TMPRSS11D: variants seen among roughly 807,000 people sequenced by gnomAD.
The protein encoded by TMPRSS11D is transmembrane protease serine 11D.
A neutral mutation model predicts 44.4 loss-of-function variants in TMPRSS11D; 32 were observed. That is an observed-to-expected ratio of 0.72 (90% CI 0.54 to 0.97). The LOEUF (loss-of-function observed/expected upper bound fraction) is 0.97. TMPRSS11D is among the 50% of genes least tolerant of loss of function. The pLI, the probability that TMPRSS11D is intolerant of heterozygous loss-of-function variation, is 0.00. For synonymous variants in TMPRSS11D, 179 were observed against 177.9 expected (o/e 1.01, Z -0.05); for missense variants, 446 against 502.6 (o/e 0.89, Z 1.08).
intron 7 of TMPRSS11D, among the ~76,000 whole-genome samples, chr4:67,832,585 A>G (rs1225145679): frequency 4.6e-5 from 7 of 151,610 alleles, no homozygotes; most frequent in African/African-American, 1.7e-4. Flanking sequence ...GTAATTGATC[A>G]TTATTTTTGT....
intron 2 of TMPRSS11D, among the ~76,000 whole-genome samples, chr4:67,855,746 T>C (rs1718621120): frequency 6.6e-6 from 1 of 152,038 alleles, no homozygotes; most frequent in South Asian, 2.1e-4. Context: ...GGAAAAGAAG[T>C]TACATATTCA....
intron 1 of TMPRSS11D, among the ~76,000 whole-genome samples, chr4:67,861,438 CAG>C (rs1718789217): frequency 6.6e-6 from 1 of 152,040 alleles, no homozygotes; most frequent in Non-Finnish European, 1.5e-5. Flanking sequence ...TAAAAATAGA[CAG>C]AGTTGGAGGC....
intron 7 of TMPRSS11D, among the ~76,000 whole-genome samples, chr4:67,830,726 G>A (rs540977690): frequency 1.3e-5 from 2 of 150,856 alleles, no homozygotes; most frequent in South Asian, 4.2e-4. Flanking sequence ...CCTTCCACTC[G>A]TTTATTTTCT....
At chr4:67,876,357 G>A (rs1313051513) in intron 1 of TMPRSS11D, among the ~76,000 whole-genome samples, 1 of 151,968 alleles carries the variant, frequency 6.6e-6, no homozygotes, top group Non-Finnish European at 1.5e-5. Context: ...TGTAAATTTG[G>A]TAGTCTTTCT....
intron 8 of TMPRSS11D, 32 bp downstream of exon 8, chr4:67,827,229 C>A: frequency 6.4e-7 from 1 of 1,563,476 alleles, no homozygotes; most frequent in Non-Finnish European, 8.6e-7. Flanking sequence ...TAAGACATTT[C>A]TATTGTTAAT....
chr4:67,864,735 C>A (rs2109693889), intron 1 of TMPRSS11D, among the ~76,000 whole-genome samples: 1 of 151,828 alleles, frequency 6.6e-6, no homozygotes, highest in East Asian at 1.9e-4. Context: ...ATGTTTATAT[C>A]AGATAAAACA....
At chr4:67,835,801 G>A (rs1236560874) in intron 5 of TMPRSS11D, among the ~76,000 whole-genome samples, 1 of 152,180 alleles carries the variant, frequency 6.6e-6, no homozygotes, top group East Asian at 1.9e-4. Flanking sequence ...AGAAGGTACA[G>A]TGGGCACAAA....
chr4:67,846,683 G>A (rs1718365420), intron 3 of TMPRSS11D, among the ~76,000 whole-genome samples: 1 of 152,174 alleles, frequency 6.6e-6, no homozygotes, highest in Admixed American at 6.6e-5. Context: ...AAGGTGTTGT[G>A]TTTTATATAT....
In TMPRSS11D at chr4:67,862,572, T is replaced by A. The variant is rs556339858; in HGVS notation, c.9-2894A>T. 5.3e-5 allele frequency among the ~76,000 whole-genome samples: 8 copies of A among 152,214 alleles called. No individual in the cohort carries two copies. The South Asian group carries it at 1.7e-3, about 32-fold the overall frequency. ...TGAACTGCACATCATCATTTCCAAT[T>A]ACTAATTGAACGTGTTATGGGTGCT... is the stretch of plus-strand genomic sequence containing the variant. On this transcript the variant is annotated intron_variant, in intron 1 of 9. Coordinates refer to ENST00000283916, the MANE Select transcript of TMPRSS11D (RefSeq NM_004262.3).
intron 1 of TMPRSS11D, among the ~76,000 whole-genome samples, chr4:67,883,559 C>T (rs1196056910): frequency 1.4e-5 from 2 of 148,050 alleles, no homozygotes; most frequent in Admixed American, 6.8e-5. Flanking sequence ...AACACAGAAT[C>T]CTCGAAAAGT....
chr4:67,830,133 G>T (rs1012151341), intron 7 of TMPRSS11D, among the ~76,000 whole-genome samples: 3 of 152,052 alleles, frequency 2.0e-5, no homozygotes, highest in African/African-American at 4.8e-5. Flanking sequence ...CAAGAATTGA[G>T]TGAAAACAGT....
intron 3 of TMPRSS11D, among the ~76,000 whole-genome samples, chr4:67,847,853 A>T (rs778863031): frequency 3.3e-5 from 5 of 152,180 alleles, no homozygotes; most frequent in Admixed American, 6.5e-5. Flanking sequence ...TGGGATGCAT[A>T]TCCTCATTTT....
chr4:67,838,879 A>G (rs1718166303), intron 4 of TMPRSS11D: 1 of 152,070 alleles, frequency 6.6e-6, no homozygotes, highest in Non-Finnish European at 1.5e-5. Context: ...GCAAATTTTA[A>G]CTTTTGTCGT....
intron 3 of TMPRSS11D, among the ~76,000 whole-genome samples, chr4:67,847,617 G>A (rs2109677862): frequency 6.6e-6 from 1 of 152,234 alleles, no homozygotes; most frequent in Non-Finnish European, 1.5e-5. Flanking sequence ...CCTTCCCTCA[G>A]ATCTCAGAAT....
In TMPRSS11D at chr4:67,827,506, C is replaced by G. The variant is rs145436844; in HGVS notation, c.707G>C (p.Arg236Pro). 1.9e-4 allele frequency: 300 copies of G among 1,602,778 alleles called. No individual in the cohort carries two copies. Among genetic ancestry groups the G allele is most frequent in the Admixed American group, 3.2e-4 (19 of 59,254 alleles). ...AATACCAGACGTGGCAATCCAGTCA[C>G]GAGGATTAGAGTTGCTAAAACATTA... The part of the protein sequence containing the change: ...AHCFRSNSNP[R>P]DWIATSGIST... The change falls in exon 8 of 10, where the codon CGT becomes CCT. Residue 236 changes from arginine to proline, a missense_variant. Transcript: ENST00000283916.
intron 3 of TMPRSS11D, among the ~76,000 whole-genome samples, chr4:67,848,784 T>C (rs1718425333): frequency 1.3e-5 from 2 of 152,132 alleles, no homozygotes; most frequent in Non-Finnish European, 2.9e-5. Context: ...AACTGTACCA[T>C]GGAGAGCAAG....
chr4:67,848,709 G>A (rs1371581109), intron 3 of TMPRSS11D, among the ~76,000 whole-genome samples: 1 of 152,156 alleles, frequency 6.6e-6, no homozygotes, highest in African/African-American at 2.4e-5. Context: ...AGAATGAATG[G>A]CACATGCACA....
chr4:67,862,452 C>T lies in TMPRSS11D; in HGVS notation c.9-2774G>A, dbSNP rs77018226. ...GAGAATGGAAAAGCTTTGGGTTTCA[C>T]GTCTCTCCTGACCTCACTTGGGGGA... On this transcript the variant is annotated intron_variant, in intron 1 of 9. Coordinates refer to ENST00000283916, the MANE Select transcript of TMPRSS11D (RefSeq NM_004262.3). Among the ~76,000 whole-genome samples, 524 of 152,194 alleles carry T rather than the reference C, an allele frequency of 3.4e-3. 2 individuals carry two copies. The highest frequency in any genetic ancestry group is 0.012 in the African/African-American group (490 of 41,534).
At chr4:67,876,507 T>C (rs1359321914) in intron 1 of TMPRSS11D, among the ~76,000 whole-genome samples, 1 of 152,228 alleles carries the variant, frequency 6.6e-6, no homozygotes, top group African/African-American at 2.4e-5. Flanking sequence ...GATATATTTT[T>C]ATAATAACAT....
Sources: gnomAD v4.1 joint callset for allele counts (sites outside exome capture counted in the v4.1 genomes callset) on GRCh38, gnomAD v4.1.1 for gene constraint, MANE v1.5 for transcripts, NCBI Gene and HGNC (gene_info 2026-07-23, HGNC 2026-07-21) for gene names.